Variants in ADAMTSL2 observed in about 807,000 individuals in gnomAD.
ADAMTSL2 encodes the protein ADAMTS-like protein 2.
In ADAMTSL2, 55 loss-of-function variants were observed where a neutral mutation model predicts 117.0. The ratio of observed to expected loss-of-function variants is 0.47; its 90% CI spans 0.38 to 0.59. The LOEUF (loss-of-function observed/expected upper bound fraction) is 0.59, where lower values mean the gene tolerates loss of function less well. Ranked by LOEUF, ADAMTSL2 falls within the 20% of genes least tolerant of loss-of-function variation. The pLI is 0.00. For missense variants in ADAMTSL2, 1,182 were observed against 1,354.5 expected, an observed-to-expected ratio of 0.87 and a Z score of 2.00; for synonymous variants, 572 against 566.4, an observed-to-expected ratio of 1.01 and a Z score of -0.14.
At chr9:133,546,511 A>G (rs1336714969) in intron 8 of ADAMTSL2, among the ~76,000 whole-genome samples, 2 of 152,160 alleles carry the variant, frequency 1.3e-5, no homozygotes, top group African/African-American at 4.8e-5. Flanking sequence ...CAAGGGCAGC[A>G]GGAAGTCTCT....
intron 4 of ADAMTSL2, among the ~76,000 whole-genome samples, chr9:133,538,711 C>T (rs1324384892): frequency 1.3e-5 from 2 of 152,192 alleles, no homozygotes; most frequent in African/African-American, 4.8e-5. Flanking sequence ...GGTTTGGGGT[C>T]TCTGGTCGCA....
intron 1 of ADAMTSL2, among the ~76,000 whole-genome samples, chr9:133,536,131 T>C (rs1203597675): frequency 6.6e-6 from 1 of 152,172 alleles, no homozygotes; most frequent in Admixed American, 6.5e-5. Flanking sequence ...GAGCTGCTGG[T>C]CTAGGGCGAG....
chr9:133,538,404 T>TCG lies in ADAMTSL2; in HGVS notation c.289_290insCG (p.Tyr97SerfsTer121), dbSNP rs776452007. ...GACCTGCACGGGCACGTCCAAGCGG[T>TCG]ACCAGCTCTGCAGAGTGCAGGTGAG... On this transcript the variant is annotated frameshift_variant, in exon 4 of 19. Transcript: ENST00000651351. LOFTEE classifies it high-confidence loss of function. 2 of 1,613,212 alleles carry TCG rather than the reference T, an allele frequency of 1.2e-6. No homozygotes were observed.
rs1462802697 is a variant in ADAMTSL2 at position 133,575,137 on chromosome 9, TCCCACTC to T, written c.*278_*284del. 2.0e-6 allele frequency: 1 copy of T among 489,126 alleles called. No homozygotes were observed. The highest frequency in any genetic ancestry group is 3.7e-6 in the Non-Finnish European group (1 of 267,686). The allele number at this position is 489,126 out of a possible 1,614,324, so 30.3% of individuals were successfully genotyped here. On this transcript the variant is annotated 3_prime_UTR_variant, in exon 19 of 19. Coordinates refer to ENST00000651351, the MANE Select transcript of ADAMTSL2 (RefSeq NM_014694.4). ...CCTGCGTGGATCCTGTGTTTGTGGC[TCCCACTC>T]CCCAGCCCCCCAGCAGCCCCCAGCC...
Position 133,574,834 on chromosome 9 carries a change from C to T in ADAMTSL2, c.2826C>T (p.Cys942=). The change falls in exon 19 of 19, where the codon TGC becomes TGT. Residue 942 remains cysteine (C), a synonymous_variant. Transcript: ENST00000651351. ...LCGHWYYSKA[C]CRSCRPPHS ...GGCACTGGTACTACAGCAAGGCGTG[C>T]TGCCGCTCCTGCAGGCCCCCCCACT... 6 of 1,613,438 alleles carry T rather than the reference C, an allele frequency of 3.7e-6. No homozygotes were observed. The South Asian group carries it at 6.6e-5, about 18-fold the overall frequency.
Position 133,536,603 on chromosome 9 carries a change from T to C in ADAMTSL2, c.-110T>C. 1 of 1,611,698 alleles carries C rather than the reference T, an allele frequency of 6.2e-7. No homozygotes were observed. The highest frequency in any genetic ancestry group is 1.1e-5 in the South Asian group (1 of 90,770). Reference sequence around the variant, plus strand: ...CACGACCAACTAGTCCCAGATAACCTTGAGGCCTGGGCACTGGCTGGGCCC... The same window carrying C: ...CACGACCAACTAGTCCCAGATAACCCTGAGGCCTGGGCACTGGCTGGGCCC... On this transcript the variant is annotated 5_prime_UTR_variant, in exon 2 of 19. Coordinates refer to ENST00000651351, the MANE Select transcript of ADAMTSL2 (RefSeq NM_014694.4).
chr9:133,561,522 C>T (rs1306603990), intron 12 of ADAMTSL2, among the ~76,000 whole-genome samples: 2 of 152,178 alleles, frequency 1.3e-5, no homozygotes, highest in African/African-American at 2.4e-5. Context: ...GTCCAGGCCC[C>T]TGGGGGTCAT....
At chr9:133,533,131 G>A (rs547632473), upstream of ADAMTSL2, among the ~76,000 whole-genome samples, 3 of 151,538 alleles carry the variant, frequency 2.0e-5, no homozygotes, top group South Asian at 2.1e-4. Flanking sequence ...AGTGTAATCC[G>A]GTCATGTGAG....
chr9:133,549,965 T>C (rs967273536), intron 9 of ADAMTSL2, among the ~76,000 whole-genome samples: 1 of 152,162 alleles, frequency 6.6e-6, no homozygotes, highest in Non-Finnish European at 1.5e-5. Flanking sequence ...CCCAGACCCA[T>C]GTCTTCTATG....
intron 2 of ADAMTSL2, 67 bp from the exon 3 acceptor site, chr9:133,537,338 G>T: frequency 7.6e-7 from 1 of 1,320,600 alleles, no homozygotes; most frequent in Non-Finnish European, 9.8e-7. Flanking sequence ...CTCGGGCATG[G>T]GGTGGGGGCA....
chr9:133,571,032 C>A (rs1053869854), intron 17 of ADAMTSL2, among the ~76,000 whole-genome samples: 3 of 152,204 alleles, frequency 2.0e-5, no homozygotes, highest in African/African-American at 7.2e-5. Flanking sequence ...GATTCTTTGA[C>A]TCTTGGGCCC....
At chr9:133,553,838 C>G (rs940591560) in intron 9 of ADAMTSL2, among the ~76,000 whole-genome samples, 2 of 152,216 alleles carry the variant, frequency 1.3e-5, no homozygotes, top group African/African-American at 4.8e-5. Flanking sequence ...GCCCATCCCA[C>G]AGGGAGCCCT....
chr9:133,555,815 G>T lies in ADAMTSL2; in HGVS notation c.1534G>T (p.Gly512Trp). Reference sequence around the variant, plus strand: ...GGGGGCTGGCCCTTACCTGCTCAACGGGTCCTACCTGGAGCTGAGCAGCGA... The same window carrying T: ...GGGGGCTGGCCCTTACCTGCTCAACTGGTCCTACCTGGAGCTGAGCAGCGA... Reference protein sequence around the residue: ...NEGAGPYLLNGSYLELSSDRV... With the variant: ...NEGAGPYLLNWSYLELSSDRV... Residue 512 changes from glycine (G) to tryptophan (W), a missense_variant, in exon 11 of 19, where the codon GGG becomes TGG. Around this residue, in one of 3 missense-constraint regions of ADAMTSL2, gnomAD observed 345 missense variants for 325.8 expected, o/e 1.06. Coordinates refer to ENST00000651351, the MANE Select transcript of ADAMTSL2 (RefSeq NM_014694.4). 1 of 1,613,808 alleles carries T rather than the reference G, an allele frequency of 6.2e-7. No homozygotes were observed. The highest frequency in any genetic ancestry group is 8.5e-7 in the Non-Finnish European group (1 of 1,180,030).
chr9:133,539,843 C>A lies in ADAMTSL2; in HGVS notation c.382C>A (p.Arg128=), dbSNP rs370062294. 6.4e-7 allele frequency: 1 copy of A among 1,551,000 alleles called. No individual in the cohort carries two copies. Among genetic ancestry groups the A allele is most frequent in the Admixed American group, 2.0e-5 (1 of 51,010 alleles). The change falls in exon 5 of 19, where the codon CGG becomes AGG. Residue 128 remains arginine (R), a synonymous_variant. Coordinates refer to ENST00000651351, the MANE Select transcript of ADAMTSL2 (RefSeq NM_014694.4). Reference sequence around the variant, plus strand: ...CTTCAACTCCCACGTGTACAACGGGCGGACGCACCAGTGGAAGCCTCTGTA... The same window carrying A: ...CTTCAACTCCCACGTGTACAACGGGAGGACGCACCAGTGGAAGCCTCTGTA... ...VSFNSHVYNG[R]THQWKPLYPD...
At chr9:133,563,057 A>G (rs1265239802) in intron 12 of ADAMTSL2, among the ~76,000 whole-genome samples, 3 of 152,184 alleles carry the variant, frequency 2.0e-5, no homozygotes, top group Non-Finnish European at 4.4e-5. Flanking sequence ...TGACCACACC[A>G]TGGGCCCTGG....
chr9:133,556,668 G>A (rs2131143629), intron 11 of ADAMTSL2, among the ~76,000 whole-genome samples: 1 of 152,366 alleles, frequency 6.6e-6, no homozygotes, highest in South Asian at 2.1e-4. Context: ...CATGTCTGGG[G>A]GCAGCCATGT....
upstream of ADAMTSL2, chr9:133,534,505 C>A: frequency 2.1e-6 from 1 of 477,474 alleles, no homozygotes; most frequent in Non-Finnish European, 3.3e-6. Flanking sequence ...GGCCTCCCTG[C>A]TCGCCGCTCC....
rs967368157 is a variant in ADAMTSL2 at position 133,557,394 on chromosome 9, C to G, written c.1649+1464C>G. Among the ~76,000 whole-genome samples the G allele has an allele frequency of 1.3e-5, 2 of 152,208 alleles. No homozygotes were observed. Among genetic ancestry groups the G allele is most frequent in the Admixed American group, 6.5e-5 (1 of 15,286 alleles). On this transcript the variant is annotated intron_variant, in intron 11 of 18. Coordinates refer to ENST00000651351, the MANE Select transcript of ADAMTSL2 (RefSeq NM_014694.4). This position sits in a 1 kb window ranked among gnomAD's most constrained non-coding sequence, Gnocchi z 5.2. Reference sequence around the variant, plus strand: ...GGCCTCGGAGCCTCCTCTGGCTGCCCCTCTTCCCACAGGGGTGGCACAGGG... The same window carrying G: ...GGCCTCGGAGCCTCCTCTGGCTGCCGCTCTTCCCACAGGGGTGGCACAGGG...
At position 133,568,405 on chromosome 9, in the gene ADAMTSL2, C is replaced by T. The variant is rs372073271; in HGVS notation, c.2007C>T (p.Ala669=). 5,639 of 1,607,934 alleles carry T rather than the reference C, an allele frequency of 3.5e-3. 12 individuals are homozygous for T. The highest frequency in any genetic ancestry group is 0.011 in the Middle Eastern group (67 of 6,040). ...SSVYSDLCEA[A]EAVRPEERKT... Reference sequence around the variant, plus strand: ...TGTACAGCGACCTGTGCGAGGCAGCCGAGGCCGTGCGGCCCGAGGAACGCA... The same window carrying T: ...TGTACAGCGACCTGTGCGAGGCAGCTGAGGCCGTGCGGCCCGAGGAACGCA... The change falls in exon 14 of 19, where the codon GCC becomes GCT. Residue 669 remains alanine, a synonymous_variant. Transcript: ENST00000651351.
Sources: gnomAD v4.1 joint callset for allele counts (sites outside exome capture counted in the v4.1 genomes callset) on GRCh38, gnomAD v4.1.1 for gene constraint, gnomAD v4.1.1 regional missense constraint, Gnocchi (gnomAD v3.1) non-coding constraint, MANE v1.5 for transcripts, NCBI Gene and HGNC (gene_info 2026-07-23, HGNC 2026-07-21) for gene names.